The following MOV10L1 variants were observed in gnomAD, a reference collection of about 807,000 sequenced individuals.
The protein encoded by MOV10L1 is Mov10 like RNA helicase 1, also known as RNA helicase Mov10l1.
A neutral mutation model predicts 143.8 loss-of-function variants in MOV10L1; 110 were observed. That is an observed-to-expected ratio of 0.76 (90% CI 0.66 to 0.90). MOV10L1 has a LOEUF of 0.90. Among genes scored for constraint, MOV10L1 ranks in the 40% least tolerant of loss-of-function variants. MOV10L1 has a pLI of 0.00. For synonymous variants in MOV10L1, 593 were observed against 581.1 expected (o/e 1.02, Z -0.29); for missense variants, 1,406 against 1,526.8 (o/e 0.92, Z 1.32).
intron 16 of MOV10L1, 43 bp downstream of exon 16, chr22:50,142,232 T>C (rs1315556918): frequency 1.3e-6 from 2 of 1,522,710 alleles, no homozygotes; most frequent in Non-Finnish European, 1.8e-6. Context: ...ACTCTGAGAC[T>C]GTCGCCTGGA....
rs2062462547 is a variant in MOV10L1 at position 50,092,156 on chromosome 22, A to G, written c.253A>G (p.Lys85Glu). Residue 85 changes from lysine to glutamate, a missense_variant, in exon 2 of 27, where the codon AAA (lysine) becomes GAA (glutamate). Transcript: ENST00000262794. ...AGTGATTGCAGTTGTGGAAGAAAAT[A>G]AAGTGTCCAATGGACTGAAAGCAAT... ...QEVIAVVEEN[K>E]VSNGLKAIRV... 2 of 1,614,184 alleles carry G rather than the reference A, an allele frequency of 1.2e-6. No individual in the cohort carries two copies. Among genetic ancestry groups the G allele is most frequent in the Middle Eastern group, 1.6e-4 (1 of 6,062 alleles).
At chr22:50,134,166 G>A in intron 14 of MOV10L1, 101 bp downstream of exon 14, 1 of 891,272 alleles carries the variant, frequency 1.1e-6, no homozygotes. Context: ...CATAATATTA[G>A]AAGTAAAACT....
At position 50,115,219 on chromosome 22, in the gene MOV10L1, C is replaced by G; in HGVS notation, c.1232C>G (p.Thr411Ser). The G allele has an allele frequency of 6.5e-7, 1 of 1,537,010 alleles. No homozygotes were observed. Among genetic ancestry groups the G allele is most frequent in the Non-Finnish European group, 8.7e-7 (1 of 1,152,768 alleles). Reference protein sequence around the residue: ...PGGLVPPGGKTFIVVICDGKN... With the variant: ...PGGLVPPGGKSFIVVICDGKN... Reference sequence around the variant, plus strand: ...GGGCTTGTCCCTCCAGGGGGAAAAACCTTCATTGTGGTCATCTGTGACGGA... The same window carrying G: ...GGGCTTGTCCCTCCAGGGGGAAAAAGCTTCATTGTGGTCATCTGTGACGGA... Residue 411 changes from threonine (T) to serine (S), a missense_variant, in exon 8 of 27, where the codon ACC (threonine) becomes AGC (serine). Transcript: ENST00000262794.
In MOV10L1 at chr22:50,112,236, C is replaced by G. The variant is rs138111078; in HGVS notation, c.744-1412C>G. On this transcript the variant is annotated intron_variant, in intron 5 of 26. Coordinates refer to ENST00000262794, the MANE Select transcript of MOV10L1 (RefSeq NM_018995.3). ...TCCTGTGGGGCGTGGATGTGACGTG[C>G]ACTGCTCCCGCTGCATCTGACCACG... 6.8e-3 allele frequency among the ~76,000 whole-genome samples: 1,040 copies of G among 152,334 alleles called. 6 individuals carry two copies. The highest frequency in any genetic ancestry group is 1.0e-2 in the Non-Finnish European group (680 of 68,018).
chr22:50,113,867 C>A, intron 6 of MOV10L1, 79 bp downstream of exon 6: 2 of 1,206,100 alleles, frequency 1.7e-6, no homozygotes, highest in Middle Eastern at 2.1e-4. Context: ...TCTGTAAAAC[C>A]AACTTTACTT....
chr22:50,106,325 C>CTTTTTTTTT (rs1165257394), intron 3 of MOV10L1, among the ~76,000 whole-genome samples: 2 of 94,556 alleles, frequency 2.1e-5, no homozygotes, highest in Non-Finnish European at 4.0e-5. Flanking sequence ...CCAACTAATT[C>CTTTTTTTTT]TTTTTTTTTT....
intron 13 of MOV10L1, among the ~76,000 whole-genome samples, chr22:50,132,420 A>G (rs531216304): frequency 1.3e-5 from 2 of 152,118 alleles, no homozygotes; most frequent in African/African-American, 4.8e-5. Context: ...TCTTAATAAT[A>G]ATAAGTCCTC....
At chr22:50,112,125 C>G (rs1242217259) in intron 5 of MOV10L1, among the ~76,000 whole-genome samples, 1 of 152,236 alleles carries the variant, frequency 6.6e-6, no homozygotes, top group African/African-American at 2.4e-5. Flanking sequence ...CTTCGGCCCA[C>G]TGGCAGATGC....
chr22:50,113,745 A>C lies in MOV10L1; in HGVS notation c.841A>C (p.Thr281Pro). ...AGTTACACAGGTGACGCATTTTGGA[A>C]CCCTAAAGGAAGGAAGAAGTAAAAC... Reference protein sequence around the residue: ...IEVTQVTHFGTLKEGRSKTMV... With the variant: ...IEVTQVTHFGPLKEGRSKTMV... Residue 281 changes from threonine to proline, a missense_variant, in exon 6 of 27, where the codon ACC becomes CCC. Physicochemically the swap from Thr to Pro is conservative, Grantham distance 38. Around this residue, in one of 3 missense-constraint regions of MOV10L1, gnomAD observed 1,233 missense variants for 1,351.4 expected, o/e 0.91. Transcript: ENST00000262794. The C allele has an allele frequency of 3.7e-6, 6 of 1,613,736 alleles. No homozygotes were observed. Among genetic ancestry groups the C allele is most frequent in the Non-Finnish European group, 5.1e-6 (6 of 1,179,900 alleles).
intron 2 of MOV10L1, chr22:50,094,620 C>T (rs9308230): frequency 0.26 from 39,861 of 152,016 alleles, 5,740 homozygotes; most frequent in Non-Finnish European, 0.33. Context: ...AGGATGGTCT[C>T]GATCTCCTGA....
chr22:50,148,650 A>ATTTTCTTT (rs945960341), intron 19 of MOV10L1, among the ~76,000 whole-genome samples: 1 of 144,106 alleles, frequency 6.9e-6, no homozygotes, highest in Non-Finnish European at 1.5e-5. Flanking sequence ...TAGAGACCGC[A>ATTTTCTTT]TTTTCTTTTT....
At position 50,160,688 on chromosome 22, in the gene MOV10L1, G is replaced by A; in HGVS notation, c.3325G>A (p.Val1109Ile). 3 of 1,613,374 alleles carry A rather than the reference G, an allele frequency of 1.9e-6. No homozygotes were observed. Among genetic ancestry groups the A allele is most frequent in the Non-Finnish European group, 2.5e-6 (3 of 1,179,730 alleles). The part of the protein sequence containing the change: ...QEYLVIIIST[V>I]RSNEDRFEDD... ...TTTATTCATCTCTGTGTGCTTTTAGGTACGGTCAAATGAAGATAGATTTGA... is the reference window on the plus strand; with the variant it reads ...TTTATTCATCTCTGTGTGCTTTTAGATACGGTCAAATGAAGATAGATTTGA... Residue 1109 changes from valine (V) to isoleucine (I), a missense_variant and splice_region_variant, in exon 25 of 27, where the codon GTA (valine) becomes ATA (isoleucine). This residue lies in a region of MOV10L1 where 1,233 missense variants were observed against 1,351.4 expected (regional missense o/e 0.91). Transcript: ENST00000262794.
intron 12 of MOV10L1, 105 bp downstream of exon 12, chr22:50,126,377 T>C (rs2062507029): frequency 2.9e-6 from 2 of 690,390 alleles, no homozygotes; most frequent in Non-Finnish European, 2.4e-6. Flanking sequence ...CCCATATGCA[T>C]TGGCTATTTT....
At chr22:50,115,311 G>A (rs1369122756) in intron 8 of MOV10L1, 65 bp downstream of exon 8, 33 of 1,419,984 alleles carry the variant, frequency 2.3e-5, no homozygotes, top group African/African-American at 3.0e-5. Context: ...TAGGTTGGGT[G>A]TTATAAAAGG....
intron 26 of MOV10L1, 45 bp downstream of exon 26, chr22:50,161,100 A>T: frequency 6.3e-7 from 1 of 1,582,538 alleles, no homozygotes; most frequent in Non-Finnish European, 8.7e-7. Context: ...TGGCTCTAGA[A>T]CGTGCTCTAG....
chr22:50,152,924 A>G lies in MOV10L1; in HGVS notation c.2893-121A>G. The G allele has an allele frequency of 1.0e-6, 1 of 1,001,702 alleles. No homozygotes were observed. The highest frequency in any genetic ancestry group is 1.5e-6 in the Non-Finnish European group (1 of 674,086). The allele number at this position is 1,001,702 out of a possible 1,614,324, so 62.1% of individuals were successfully genotyped here. On this transcript the variant is annotated intron_variant, in intron 21 of 26. Transcript: ENST00000262794. This position sits in a 1 kb window ranked among gnomAD's most constrained non-coding sequence, Gnocchi z 4.4. ...GGCAGGCGACACACAGGGGCGCAGG[A>G]GCAGAGTCAGGCTTGGAAGTCAGGC...
intron 7 of MOV10L1, 101 bp downstream of exon 7, chr22:50,114,723 C>G (rs576399471): frequency 1.3e-6 from 2 of 1,502,568 alleles, no homozygotes; most frequent in Admixed American, 2.0e-5. Flanking sequence ...CCAGGACACC[C>G]GGCAGCTACA....
Position 50,127,780 on chromosome 22 carries a change from T to G in MOV10L1, c.1819-636T>G, listed in dbSNP as rs13057953. On this transcript the variant is annotated intron_variant, in intron 12 of 26. Coordinates refer to ENST00000262794, the MANE Select transcript of MOV10L1 (RefSeq NM_018995.3). Reference sequence around the variant, plus strand: ...AGTCTTGTAATGACTGTTTTTTTTGTTTTTTTTTTTGAGATGGATTCTCAC... The same window carrying G: ...AGTCTTGTAATGACTGTTTTTTTTGGTTTTTTTTTTGAGATGGATTCTCAC... Among the ~76,000 whole-genome samples, 1,087 of 126,302 alleles carry G rather than the reference T, an allele frequency of 8.6e-3. 12 individuals carry two copies. The highest frequency in any genetic ancestry group is 0.028 in the African/African-American group (1,031 of 36,456). The allele number at this position is 126,302 out of a possible 152,430, so 82.9% of individuals were successfully genotyped here. A position where few individuals can be genotyped will look rare whatever the true frequency, so the allele number is the denominator to read the frequency against.
At chr22:50,157,455 A>G (rs529347446) in intron 22 of MOV10L1, among the ~76,000 whole-genome samples, 25 of 152,066 alleles carry the variant, frequency 1.6e-4, no homozygotes, top group African/African-American at 5.5e-4. Flanking sequence ...CAAGAATTTT[A>G]TGGATTTAGG....
Sources: allele counts gnomAD v4.1 joint callset (sites outside exome capture counted in the v4.1 genomes callset), GRCh38; gene constraint gnomAD v4.1.1; regional missense constraint gnomAD v4.1.1; non-coding constraint Gnocchi (gnomAD v3.1); transcripts MANE v1.5; gene names NCBI Gene and HGNC (gene_info 2026-07-23, HGNC 2026-07-21).